Variants in GPHN observed in about 807,000 individuals in gnomAD.
GPHN encodes gephyrin.
A neutral mutation model predicts 95.5 loss-of-function variants in GPHN; 17 were observed. The observed-to-expected ratio is 0.18, with a 90% CI of 0.12 to 0.27. The LOEUF is 0.27. Ranked by LOEUF, GPHN falls within the 10% of genes least tolerant of loss-of-function variation. The probability of loss-of-function intolerance (pLI) is 1.00; values close to 1 mark genes in which losing one functional copy is unlikely to be tolerated. For missense variants in GPHN, 660 were observed against 978.1 expected (o/e 0.67, Z 4.34); for synonymous variants, 320 against 322.5 (o/e 0.99, Z 0.08).
the GPHN span, among the ~76,000 whole-genome samples, chr14:67,638,011 A>G: frequency 9.2e-5 from 14 of 152,186 alleles, no homozygotes; most frequent in Non-Finnish European, 1.5e-4. Flanking sequence ...GGAGACCTAG[A>G]CTTAGCCACA....
At chr14:67,391,794 C>T in the GPHN span, among the ~76,000 whole-genome samples, 1 of 152,208 alleles carries the variant, frequency 6.6e-6, no homozygotes, top group Non-Finnish European at 1.5e-5. Context: ...GCTGCTCTCC[C>T]AAACACGGTT....
chr14:67,047,804 T>C (rs2075108963), intron 10 of GPHN, among the ~76,000 whole-genome samples: 1 of 152,124 alleles, frequency 6.6e-6, no homozygotes, highest in African/African-American at 2.4e-5. Context: ...GTGCAAAACA[T>C]CAGAAAATTA....
At chr14:67,530,450 C>T in the GPHN span, among the ~76,000 whole-genome samples, 2 of 152,196 alleles carry the variant, frequency 1.3e-5, no homozygotes, top group African/African-American at 2.4e-5. Flanking sequence ...GACTAAGATG[C>T]TGTAATATTG....
intron 3 of GPHN, among the ~76,000 whole-genome samples, chr14:66,787,689 T>C (rs1010119573): frequency 2.0e-5 from 3 of 152,002 alleles, no homozygotes; most frequent in African/African-American, 7.2e-5. Flanking sequence ...ATATATTCAA[T>C]TGGTTTTTAA....
the GPHN span, among the ~76,000 whole-genome samples, chr14:67,670,594 G>A: frequency 4.0e-5 from 6 of 150,994 alleles, no homozygotes; most frequent in South Asian, 8.4e-4. Context: ...ATAGAGTCTC[G>A]CTCTGTCGCC....
intron 3 of GPHN, among the ~76,000 whole-genome samples, chr14:66,823,526 A>G (rs747649922): frequency 6.6e-6 from 1 of 152,206 alleles, no homozygotes. Flanking sequence ...GCTCTCAGTT[A>G]TCTACAATTT....
the GPHN span, chr14:67,204,624 C>T: frequency 1.2e-6 from 2 of 1,613,874 alleles, no homozygotes; most frequent in East Asian, 4.5e-5. Flanking sequence ...GTCGAGCCTA[C>T]TACTTACAGC....
At chr14:66,614,906 C>T (rs1395414176) in intron 1 of GPHN, among the ~76,000 whole-genome samples, 1 of 152,116 alleles carries the variant, frequency 6.6e-6, no homozygotes, top group African/African-American at 2.4e-5. Flanking sequence ...TTGTTATTCT[C>T]CTCTCTGGGT....
intron 21 of GPHN, among the ~76,000 whole-genome samples, chr14:67,169,608 A>G (rs760203214): frequency 6.6e-6 from 1 of 152,210 alleles, no homozygotes; most frequent in Non-Finnish European, 1.5e-5. Context: ...ACTAACTTCA[A>G]TGTGATTTAC....
the GPHN span, among the ~76,000 whole-genome samples, chr14:67,494,603 T>C: frequency 4.6e-5 from 7 of 152,164 alleles, no homozygotes; most frequent in African/African-American, 1.7e-4. Context: ...TGGACACGGG[T>C]TGAGAGGTAG....
At chr14:67,161,208 C>G (rs913853429) in intron 19 of GPHN, among the ~76,000 whole-genome samples, 2 of 151,980 alleles carry the variant, frequency 1.3e-5, no homozygotes, top group African/African-American at 2.4e-5. Context: ...GCTGAAGAAT[C>G]GCTTGAGCTG....
the GPHN span, chr14:67,338,237 A>G: frequency 6.3e-6 from 1 of 158,010 alleles, no homozygotes; most frequent in African/African-American, 2.4e-5. Context: ...CTCAGACAAC[A>G]GCGCCAAGGT....
the GPHN span, among the ~76,000 whole-genome samples, chr14:67,445,030 G>A: frequency 4.9e-4 from 75 of 152,206 alleles, no homozygotes; most frequent in Non-Finnish European, 9.7e-4. Context: ...CAAAGTGCTG[G>A]GATTACAGGC....
the GPHN span, chr14:67,374,381 C>A: frequency 1.5e-6 from 1 of 663,612 alleles, no homozygotes; most frequent in Non-Finnish European, 2.4e-6. Flanking sequence ...GTATGCCAAT[C>A]AAACACTTAA....
the GPHN span, among the ~76,000 whole-genome samples, chr14:67,567,390 T>C: frequency 6.6e-6 from 1 of 152,206 alleles, no homozygotes; most frequent in African/African-American, 2.4e-5. Flanking sequence ...TGTCAAACAG[T>C]CATAGGTTTC....
intron 6 of GPHN, among the ~76,000 whole-genome samples, chr14:66,921,684 A>G (rs1230524454): frequency 6.6e-6 from 1 of 152,164 alleles, no homozygotes; most frequent in Non-Finnish European, 1.5e-5. Context: ...TACCACCATC[A>G]TTCTTCACAG....
chr14:67,565,366 T>C, the GPHN span, among the ~76,000 whole-genome samples: 7 of 152,136 alleles, frequency 4.6e-5, no homozygotes, highest in African/African-American at 1.7e-4. Context: ...ACCCCAGCCT[T>C]CTGAGCAGCT....
the GPHN span, among the ~76,000 whole-genome samples, chr14:67,630,814 A>T: frequency 6.6e-6 from 1 of 152,102 alleles, no homozygotes; most frequent in Admixed American, 6.5e-5. Context: ...GGAACTCCTG[A>T]CCTTGTGATC....
the GPHN span, among the ~76,000 whole-genome samples, chr14:67,604,387 G>T: frequency 6.6e-6 from 1 of 152,142 alleles, no homozygotes; most frequent in South Asian, 2.1e-4. Context: ...ATAATATTTT[G>T]TCCTGTTTAG....
Sources: gnomAD v4.1 joint callset for allele counts (sites outside exome capture counted in the v4.1 genomes callset) on GRCh38, gnomAD v4.1.1 for gene constraint, MANE v1.5 for transcripts, NCBI Gene and HGNC (gene_info 2026-07-23, HGNC 2026-07-21) for gene names.